Variants in SKIC8 observed in about 807,000 individuals in gnomAD.
SKIC8 encodes the protein superkiller complex protein 8.
At chr15:78,292,047 T>C in the SKIC8 span, 1 of 149,758 alleles carries the variant, frequency 6.7e-6, no homozygotes, top group Non-Finnish European at 1.5e-5. Context: ...TGTTCTACAG[T>C]ACTTAAAACA....
the SKIC8 span, among the ~76,000 whole-genome samples, chr15:78,298,776 G>A: frequency 6.6e-6 from 1 of 152,152 alleles, no homozygotes; most frequent in Non-Finnish European, 1.5e-5. Context: ...ACATCCACTG[G>A]AACGTACACC....
At chr15:78,288,160 T>C in the SKIC8 span, 8 of 900,700 alleles carry the variant, frequency 8.9e-6, no homozygotes, top group Non-Finnish European at 1.3e-5. Flanking sequence ...GAGGACCGCC[T>C]GGGGAGTCAA....
the SKIC8 span, chr15:78,288,915 C>T: frequency 2.2e-6 from 1 of 452,716 alleles, no homozygotes; most frequent in Non-Finnish European, 4.4e-6. Context: ...TACTTTCATC[C>T]ACCTTCAAAT....
the SKIC8 span, chr15:78,286,002 T>C: frequency 1.3e-6 from 2 of 1,562,448 alleles, no homozygotes; most frequent in East Asian, 4.5e-5. Context: ...TGCTCTCATC[T>C]CCCCAGCATT....
chr15:78,289,926 A>C, the SKIC8 span: 1 of 1,608,660 alleles, frequency 6.2e-7, no homozygotes, highest in Non-Finnish European at 8.5e-7. Flanking sequence ...AATCAGAAGG[A>C]GAACAGAGAG....
the SKIC8 span, among the ~76,000 whole-genome samples, chr15:78,297,015 T>C: frequency 3.1e-4 from 47 of 152,376 alleles, no homozygotes; most frequent in Admixed American, 6.5e-5. Context: ...TGTGTGTTTA[T>C]GTTTAAAGGC....
the SKIC8 span, chr15:78,288,743 T>A: frequency 2.9e-6 from 1 of 347,000 alleles, no homozygotes; most frequent in African/African-American, 2.1e-5. Flanking sequence ...TATTATAGTA[T>A]AAAGGATAAA....
At chr15:78,298,244 G>C in the SKIC8 span, among the ~76,000 whole-genome samples, 12 of 152,328 alleles carry the variant, frequency 7.9e-5, no homozygotes, top group Admixed American at 7.8e-4. Context: ...ACAAAAAAAG[G>C]AGGAAGGCTT....
At chr15:78,283,495 A>G in the SKIC8 span, 1 of 1,613,804 alleles carries the variant, frequency 6.2e-7, no homozygotes, top group South Asian at 1.1e-5. Context: ...TTTTTGAACC[A>G]TTTCCATTGT....
chr15:78,292,201 G>C, the SKIC8 span: 1 of 182,904 alleles, frequency 5.5e-6, no homozygotes, highest in South Asian at 1.1e-4. Flanking sequence ...GGCAGTGAAT[G>C]AATCAGTTCA....
the SKIC8 span, chr15:78,283,556 C>G: frequency 6.9e-7 from 1 of 1,439,908 alleles, no homozygotes; most frequent in Non-Finnish European, 9.6e-7. Flanking sequence ...CTACAAATGC[C>G]TTTATTCTTT....
At chr15:78,290,614 C>T in the SKIC8 span, 1 of 152,414 alleles carries the variant, frequency 6.6e-6, no homozygotes, top group Non-Finnish European at 1.5e-5. Flanking sequence ...AACTAAGTGT[C>T]TATTTTCCCT....
chr15:78,286,199 A>G, the SKIC8 span: 1 of 1,391,186 alleles, frequency 7.2e-7, no homozygotes, highest in South Asian at 1.2e-5. Flanking sequence ...CTGAAGTGGA[A>G]AGTATATTAT....
At chr15:78,288,229 T>C in the SKIC8 span, 1 of 1,577,456 alleles carries the variant, frequency 6.3e-7, no homozygotes, top group Non-Finnish European at 8.7e-7. Flanking sequence ...GGGCTCCTTG[T>C]AACAATAAAG....
the SKIC8 span, chr15:78,292,537 T>C: frequency 6.3e-7 from 1 of 1,588,986 alleles, no homozygotes; most frequent in Non-Finnish European, 8.6e-7. Context: ...TTCTGAGCTG[T>C]AAAACACATT....
the SKIC8 span, chr15:78,292,661 C>A: frequency 6.2e-7 from 1 of 1,614,214 alleles, no homozygotes; most frequent in Non-Finnish European, 8.5e-7. Flanking sequence ...TTTTCCAAGT[C>A]CCAAAGACGA....
At chr15:78,285,369 T>G in the SKIC8 span, 1 of 1,608,878 alleles carries the variant, frequency 6.2e-7, no homozygotes, top group Non-Finnish European at 8.5e-7. Flanking sequence ...TTAGTATCGG[T>G]TTGAAGTTGG....
the SKIC8 span, chr15:78,295,910 C>T: frequency 2.2e-6 from 1 of 464,574 alleles, no homozygotes; most frequent in Non-Finnish European, 3.7e-6. Context: ...TTCTTTCTTC[C>T]TCTGAACCTA....
At chr15:78,290,513 A>G in the SKIC8 span, 1 of 156,004 alleles carries the variant, frequency 6.4e-6, no homozygotes, top group Non-Finnish European at 1.4e-5. Context: ...CTACTTCCTT[A>G]CTTCTCCACG....
Sources: gnomAD v4.1 joint callset for allele counts (sites outside exome capture counted in the v4.1 genomes callset) on GRCh38, gnomAD v4.1.1 for gene constraint, MANE v1.5 for transcripts, NCBI Gene and HGNC (gene_info 2026-07-23, HGNC 2026-07-21) for gene names.